The following G0S2 variants were observed in gnomAD, a reference collection of about 807,000 sequenced individuals.
The protein encoded by G0S2 is G0/G1 switch 2.
For synonymous variants in G0S2, 64 were observed against 66.0 expected (o/e 0.97, Z 0.15); for missense variants, 139 against 139.1 (o/e 1.00, Z 0.00).
Position 209,675,925 on chromosome 1 carries a change from C to A in G0S2, c.241C>A (p.Gln81Lys), listed in dbSNP as rs775447110. Reference sequence around the variant, plus strand: ...ACAGGCTCTCCAGAAGCAAGCCCTGCAGGAGAAAGGCAAGCAGCAGGACAC... The same window carrying A: ...ACAGGCTCTCCAGAAGCAAGCCCTGAAGGAGAAAGGCAAGCAGCAGGACAC... Reference protein sequence around the residue: ...ERQALQKQALQEKGKQQDTVL... With the variant: ...ERQALQKQALKEKGKQQDTVL... The change falls in exon 2 of 2, where the codon CAG becomes AAG. Residue 81 changes from glutamine (Q) to lysine (K), a missense_variant. Physicochemically the swap from Gln to Lys is moderately conservative, Grantham distance 53. Transcript: ENST00000367029. This position sits in a 1 kb window ranked among gnomAD's most constrained non-coding sequence, Gnocchi z 5.4. 4.5e-5 allele frequency: 72 copies of A among 1,596,632 alleles called. No individual in the cohort carries two copies. The highest frequency in any genetic ancestry group is 1.7e-4 in the Middle Eastern group (1 of 5,944).
rs749254329 is a variant in G0S2, at chr1:209,676,016, G to C, written c.*20G>C. 7 of 1,500,632 alleles carry C rather than the reference G, an allele frequency of 4.7e-6. No homozygotes were observed. In the East Asian group the frequency reaches 1.6e-4, roughly 35 times the overall value. The allele number at this position is 1,500,632 out of a possible 1,614,324, so 93.0% of individuals were successfully genotyped here. A position where few individuals can be genotyped will look rare whatever the true frequency, so the allele number is the denominator to read the frequency against. ...TCCTAGGAACTGTGGGAGACCAGCG[G>C]AGTGGGAGGGAGACGCAGTAGACAG... On this transcript the variant is annotated 3_prime_UTR_variant, in exon 2 of 2. Transcript: ENST00000367029.
chr1:209,675,979 C>G lies in G0S2; in HGVS notation c.295C>G (p.Arg99Gly). The change falls in exon 2 of 2, where the codon CGG becomes GGG. Residue 99 changes from arginine (R) to glycine (G), a missense_variant. Arg to Gly is a moderately radical substitution (Grantham distance 125). Transcript: ENST00000367029. This position sits in a 1 kb window ranked among gnomAD's most constrained non-coding sequence, Gnocchi z 5.4. ...TVLGGRALSN[R>G]QHAS ...CCTCGGCGGCCGGGCCCTGTCCAACCGGCAGCACGCCTCCTAGGAACTGTG... is the reference window on the plus strand; with the variant it reads ...CCTCGGCGGCCGGGCCCTGTCCAACGGGCAGCACGCCTCCTAGGAACTGTG... 1 of 1,542,010 alleles carries G rather than the reference C, an allele frequency of 6.5e-7. No homozygotes were observed. Among genetic ancestry groups the G allele is most frequent in the Non-Finnish European group, 8.8e-7 (1 of 1,140,692 alleles).
In G0S2 at chr1:209,676,078, C is replaced by G. The variant is rs1212167142; in HGVS notation, c.*82C>G. 2.7e-6 allele frequency: 3 copies of G among 1,106,624 alleles called. No homozygotes were observed. The highest frequency in any genetic ancestry group is 2.5e-5 in the East Asian group (1 of 39,396). 68.6% of individuals were successfully genotyped at this position (1,106,624 alleles called of 1,614,324 possible). The stretch of plus-strand genomic sequence containing the variant: ...GAGAGGAATGGAGAGACAGAGGGGG[C>G]GCGCGCACAGGAGCCTGACTCCGCT... On this transcript the variant is annotated 3_prime_UTR_variant, in exon 2 of 2. Coordinates refer to ENST00000367029, the MANE Select transcript of G0S2 (RefSeq NM_015714.4).
rs1017561628 is a variant in G0S2 at position 209,675,760 on chromosome 1, C to A, written c.76C>A (p.Leu26Met). ...AQKRKGKMVK[L>M]YVLGSVLALF... Reference sequence around the variant, plus strand: ...GAAGCGCAAGGGGAAGATGGTGAAGCTGTACGTGCTGGGCAGCGTGCTGGC... The same window carrying A: ...GAAGCGCAAGGGGAAGATGGTGAAGATGTACGTGCTGGGCAGCGTGCTGGC... Residue 26 changes from leucine (L) to methionine (M), a missense_variant, in exon 2 of 2, where the codon CTG (leucine) becomes ATG (methionine). Coordinates refer to ENST00000367029, the MANE Select transcript of G0S2 (RefSeq NM_015714.4). The surrounding 1 kb of genome is among the most constrained non-coding windows in gnomAD (Gnocchi z 5.4). The A allele has an allele frequency of 9.4e-6, 15 of 1,604,164 alleles. No homozygotes were observed. Among genetic ancestry groups the A allele is most frequent in the Non-Finnish European group, 1.3e-5 (15 of 1,175,094 alleles).
In G0S2 at chr1:209,676,158, C is replaced by T. The variant is rs929320429; in HGVS notation, c.*162C>T. ...TATTTGGACTTAACTTCAGAGAAAC[C>T]GCTGACATCTAGAACTGACCTACCA... On this transcript the variant is annotated 3_prime_UTR_variant, in exon 2 of 2. Transcript: ENST00000367029. 3.2e-5 allele frequency: 19 copies of T among 588,702 alleles called. No homozygotes were observed. The highest frequency in any genetic ancestry group is 1.7e-4 in the Admixed American group (5 of 29,526). The allele number at this position is 588,702 out of a possible 1,614,324, so 36.5% of individuals were successfully genotyped here.
In G0S2 at chr1:209,676,113, C is replaced by T. The variant is rs971102416; in HGVS notation, c.*117C>T. 1 of 735,492 alleles carries T rather than the reference C, an allele frequency of 1.4e-6. No homozygotes were observed. The highest frequency in any genetic ancestry group is 2.8e-5 in the East Asian group (1 of 35,726). 45.6% of individuals were successfully genotyped at this position (735,492 alleles called of 1,614,324 possible). A position where few individuals can be genotyped will look rare whatever the true frequency, so the allele number is the denominator to read the frequency against. On this transcript the variant is annotated 3_prime_UTR_variant, in exon 2 of 2. Coordinates refer to ENST00000367029, the MANE Select transcript of G0S2 (RefSeq NM_015714.4). ...GGAGCCTGACTCCGCTGGGAGAGTG[C>T]AGGAGCACGTGCTGTTTTTTATTTG...
chr1:209,676,035 TAGAC>T lies in G0S2; in HGVS notation c.*43_*46del. The T allele has an allele frequency of 6.9e-6, 10 of 1,444,772 alleles. No homozygotes were observed. The highest frequency in any genetic ancestry group is 8.4e-6 in the Non-Finnish European group (9 of 1,077,498). The allele number at this position is 1,444,772 out of a possible 1,614,324, so 89.5% of individuals were successfully genotyped here. A position where few individuals can be genotyped will look rare whatever the true frequency, so the allele number is the denominator to read the frequency against. ...CCAGCGGAGTGGGAGGGAGACGCAGTAGACAGAGACAGACCGAGAGAGGAATGGA... is the reference window on the plus strand; with the variant it reads ...CCAGCGGAGTGGGAGGGAGACGCAGTAGAGACAGACCGAGAGAGGAATGGA... On this transcript the variant is annotated 3_prime_UTR_variant, in exon 2 of 2. Transcript: ENST00000367029.
rs1266710701 is a variant in G0S2 at position 209,676,079 on chromosome 1, G to A, written c.*83G>A. ...AGAGGAATGGAGAGACAGAGGGGGC[G>A]CGCGCACAGGAGCCTGACTCCGCTG... On this transcript the variant is annotated 3_prime_UTR_variant, in exon 2 of 2. Coordinates refer to ENST00000367029, the MANE Select transcript of G0S2 (RefSeq NM_015714.4). 8 of 1,082,664 alleles carry A rather than the reference G, an allele frequency of 7.4e-6. No homozygotes were observed. Among genetic ancestry groups the A allele is most frequent in the East Asian group, 2.5e-5 (1 of 39,518 alleles). The allele number at this position is 1,082,664 out of a possible 1,614,324, so 67.1% of individuals were successfully genotyped here.
chr1:209,676,190 T>G lies in G0S2; in HGVS notation c.*194T>G, dbSNP rs78075213. On this transcript the variant is annotated 3_prime_UTR_variant, in exon 2 of 2. Transcript: ENST00000367029. ...ATCTAGAACTGACCTACCACAAGCA[T>G]CCACCAAAGGAGTTTGGGATTGAGT... 6,615 of 523,658 alleles carry G rather than the reference T, an allele frequency of 0.013. 73 individuals are homozygous for G. Among genetic ancestry groups the G allele is most frequent in the Non-Finnish European group, 0.016 (4,537 of 289,792 alleles). 32.4% of individuals were successfully genotyped at this position (523,658 alleles called of 1,614,324 possible).
rs1429728403 is a variant in G0S2, at chr1:209,676,119, C to G, written c.*123C>G. 1 of 704,650 alleles carries G rather than the reference C, an allele frequency of 1.4e-6. No individual in the cohort carries two copies. The highest frequency in any genetic ancestry group is 1.8e-5 in the African/African-American group (1 of 55,492). 43.6% of individuals were successfully genotyped at this position (704,650 alleles called of 1,614,324 possible). A position where few individuals can be genotyped will look rare whatever the true frequency, so the allele number is the denominator to read the frequency against. ...TGACTCCGCTGGGAGAGTGCAGGAG[C>G]ACGTGCTGTTTTTTATTTGGACTTA... is the stretch of plus-strand genomic sequence containing the variant. On this transcript the variant is annotated 3_prime_UTR_variant, in exon 2 of 2. Coordinates refer to ENST00000367029, the MANE Select transcript of G0S2 (RefSeq NM_015714.4).
rs2076687734 is a variant in G0S2 at position 209,675,730 on chromosome 1, G to T, written c.46G>T (p.Ala16Ser). The T allele has an allele frequency of 1.9e-6, 3 of 1,603,730 alleles. No homozygotes were observed. Among genetic ancestry groups the T allele is most frequent in the Non-Finnish European group, 2.6e-6 (3 of 1,174,704 alleles). ...GATCCCCCTGGCCAAGGAGATGATG[G>T]CCCAGAAGCGCAAGGGGAAGATGGT... ...ELIPLAKEMM[A>S]QKRKGKMVKL... The change falls in exon 2 of 2, where the codon GCC becomes TCC. Residue 16 changes from alanine to serine, a missense_variant. Physicochemically the swap from Ala to Ser is moderately conservative, Grantham distance 99 (BLOSUM62 1). Coordinates refer to ENST00000367029, the MANE Select transcript of G0S2 (RefSeq NM_015714.4). The surrounding 1 kb of genome is among the most constrained non-coding windows in gnomAD (Gnocchi z 5.4).
rs2102340329 is a variant in G0S2, at chr1:209,675,457, G to A, written c.-125G>A. On this transcript the variant is annotated 5_prime_UTR_variant, in exon 1 of 2. Transcript: ENST00000367029. The surrounding 1 kb of genome is among the most constrained non-coding windows in gnomAD (Gnocchi z 5.4). The stretch of plus-strand genomic sequence containing the variant: ...ACTGGGAGAGCTGCAGCTGCCGAGA[G>A]GAGGAGAACGCTGAGGTCGGTCGGA... 1 of 568,436 alleles carries A rather than the reference G, an allele frequency of 1.8e-6. No individual in the cohort carries two copies. Among genetic ancestry groups the A allele is most frequent in the East Asian group, 3.1e-5 (1 of 31,884 alleles). 35.2% of individuals were successfully genotyped at this position (568,436 alleles called of 1,614,324 possible). A position where few individuals can be genotyped will look rare whatever the true frequency, so the allele number is the denominator to read the frequency against.
rs2076690482 is a variant in G0S2 at position 209,676,073 on chromosome 1, G to C, written c.*77G>C. ...ACCGAGAGAGGAATGGAGAGACAGAGGGGGCGCGCGCACAGGAGCCTGACT... is the reference window on the plus strand; with the variant it reads ...ACCGAGAGAGGAATGGAGAGACAGACGGGGCGCGCGCACAGGAGCCTGACT... On this transcript the variant is annotated 3_prime_UTR_variant, in exon 2 of 2. Transcript: ENST00000367029. 3 of 1,155,108 alleles carry C rather than the reference G, an allele frequency of 2.6e-6. No individual in the cohort carries two copies. Among genetic ancestry groups the C allele is most frequent in the Non-Finnish European group, 3.6e-6 (3 of 824,978 alleles). 71.6% of individuals were successfully genotyped at this position (1,155,108 alleles called of 1,614,324 possible). A position where few individuals can be genotyped will look rare whatever the true frequency, so the allele number is the denominator to read the frequency against.
In G0S2 at chr1:209,676,278, C is replaced by T; in HGVS notation, c.*282C>T. The T allele has an allele frequency of 2.5e-6, 1 of 393,750 alleles. No individual in the cohort carries two copies. The highest frequency in any genetic ancestry group is 4.7e-6 in the Non-Finnish European group (1 of 213,042). The allele number at this position is 393,750 out of a possible 1,614,324, so 24.4% of individuals were successfully genotyped here. A position where few individuals can be genotyped will look rare whatever the true frequency, so the allele number is the denominator to read the frequency against. On this transcript the variant is annotated 3_prime_UTR_variant, in exon 2 of 2. Coordinates refer to ENST00000367029, the MANE Select transcript of G0S2 (RefSeq NM_015714.4). ...CAACACTGTGTGAATTATCTAAATG[C>T]GTCTACCATTTTGCACTAGGGAGGA... is the stretch of plus-strand genomic sequence containing the variant.
rs772379376 is a variant in G0S2, at chr1:209,676,159, G to C, written c.*163G>C. 3 of 589,616 alleles carry C rather than the reference G, an allele frequency of 5.1e-6. No individual in the cohort carries two copies. The highest frequency in any genetic ancestry group is 3.8e-5 in the African/African-American group (2 of 53,192). The allele number at this position is 589,616 out of a possible 1,614,324, so 36.5% of individuals were successfully genotyped here. A position where few individuals can be genotyped will look rare whatever the true frequency, so the allele number is the denominator to read the frequency against. Reference sequence around the variant, plus strand: ...ATTTGGACTTAACTTCAGAGAAACCGCTGACATCTAGAACTGACCTACCAC... The same window carrying C: ...ATTTGGACTTAACTTCAGAGAAACCCCTGACATCTAGAACTGACCTACCAC... On this transcript the variant is annotated 3_prime_UTR_variant, in exon 2 of 2. Coordinates refer to ENST00000367029, the MANE Select transcript of G0S2 (RefSeq NM_015714.4).
Position 209,675,635 on chromosome 1 carries a change from C to T in G0S2, c.-32-18C>T. 1.6e-6 allele frequency: 2 copies of T among 1,287,068 alleles called. No individual in the cohort carries two copies. Among genetic ancestry groups the T allele is most frequent in the Admixed American group, 2.0e-5 (1 of 50,116 alleles). 79.7% of individuals were successfully genotyped at this position (1,287,068 alleles called of 1,614,324 possible). A position where few individuals can be genotyped will look rare whatever the true frequency, so the allele number is the denominator to read the frequency against. Reference sequence around the variant, plus strand: ...TTCTTTGGTGGCTGAAGCCCCTCTCCTGCTGCTCCTCCTGCAGGTCATTCC... The same window carrying T: ...TTCTTTGGTGGCTGAAGCCCCTCTCTTGCTGCTCCTCCTGCAGGTCATTCC... On this transcript the variant is annotated intron_variant, in intron 1 of 1. Transcript: ENST00000367029. The surrounding 1 kb of genome is among the most constrained non-coding windows in gnomAD (Gnocchi z 5.4).
In G0S2 at chr1:209,675,897, G is replaced by A. The variant is rs2076689087; in HGVS notation, c.213G>A (p.Glu71=). The A allele has an allele frequency of 1.9e-6, 3 of 1,606,470 alleles. No homozygotes were observed. In the Middle Eastern group the frequency reaches 5.0e-4, roughly 267 times the overall value. The stretch of plus-strand genomic sequence containing the variant: ...TGGCGGAGCTGCAGGCCGCCCTGGA[G>A]CGACAGGCTCTCCAGAAGCAAGCCC... The part of the protein sequence containing the change: ...AAVAELQAAL[E]RQALQKQALQ... Residue 71 remains glutamate (E), a synonymous_variant, in exon 2 of 2, where the codon GAG becomes GAA. Coordinates refer to ENST00000367029, the MANE Select transcript of G0S2 (RefSeq NM_015714.4). The surrounding 1 kb of genome is among the most constrained non-coding windows in gnomAD (Gnocchi z 5.4).
Position 209,675,689 on chromosome 1 carries a change from A to C in G0S2, c.5A>C (p.Glu2Ala). The change falls in exon 2 of 2, where the codon GAA becomes GCA. Residue 2 changes from glutamate to alanine, a missense_variant. By Grantham distance (107) the Glu-to-Ala change is moderately radical (BLOSUM62 -1). Coordinates refer to ENST00000367029, the MANE Select transcript of G0S2 (RefSeq NM_015714.4). The surrounding 1 kb of genome is among the most constrained non-coding windows in gnomAD (Gnocchi z 5.4). The part of the protein sequence containing the change: M[E>A]TVQELIPLAK... ...CTCCGAGAGCCCAGAGCCGAGATGGAAACGGTCCAGGAGCTGATCCCCCTG... is the reference window on the plus strand; with the variant it reads ...CTCCGAGAGCCCAGAGCCGAGATGGCAACGGTCCAGGAGCTGATCCCCCTG... 6 of 1,587,556 alleles carry C rather than the reference A, an allele frequency of 3.8e-6. No homozygotes were observed. Among genetic ancestry groups the C allele is most frequent in the Non-Finnish European group, 5.1e-6 (6 of 1,165,692 alleles).
In G0S2 at chr1:209,676,220, C is replaced by G. The variant is rs944762681; in HGVS notation, c.*224C>G. On this transcript the variant is annotated 3_prime_UTR_variant, in exon 2 of 2. Coordinates refer to ENST00000367029, the MANE Select transcript of G0S2 (RefSeq NM_015714.4). ...CAAAGGAGTTTGGGATTGAGTTTTG[C>G]TGCTGTGCAGCACTGCATTGTCATG... 17 of 502,418 alleles carry G rather than the reference C, an allele frequency of 3.4e-5. No homozygotes were observed. The highest frequency in any genetic ancestry group is 5.1e-5 in the Non-Finnish European group (14 of 276,998). 31.1% of individuals were successfully genotyped at this position (502,418 alleles called of 1,614,324 possible). A position where few individuals can be genotyped will look rare whatever the true frequency, so the allele number is the denominator to read the frequency against.
Sources: gnomAD v4.1 joint callset for allele counts on GRCh38, gnomAD v4.1.1 for gene constraint, Gnocchi (gnomAD v3.1) non-coding constraint, MANE v1.5 for transcripts, NCBI Gene and HGNC (gene_info 2026-07-23, HGNC 2026-07-21) for gene names.